EYS: variants seen among roughly 807,000 people sequenced by gnomAD.
EYS encodes protein eyes shut homolog.
In EYS, 250 loss-of-function variants were observed where a neutral mutation model predicts 282.1. The ratio of observed to expected loss-of-function variants is 0.89; its 90% confidence interval spans 0.80 to 0.98. The LOEUF (loss-of-function observed/expected upper bound fraction) is 0.98, where lower values mean the gene tolerates loss of function less well. Among genes scored for constraint, EYS ranks in the 50% least tolerant of loss-of-function variants. The pLI is 0.00. For synonymous variants in EYS, 1,355 were observed against 1,282.9 expected (o/e 1.06, Z -1.20); for missense variants, 4,016 against 3,709.0 (o/e 1.08, Z -2.15).
intron 41 of EYS, among the ~76,000 whole-genome samples, chr6:63,757,460 ACTTTGCC>A (rs1212602748): frequency 6.6e-6 from 1 of 151,896 alleles, no homozygotes; most frequent in Non-Finnish European, 1.5e-5. Flanking sequence ...GGAGTTTTTG[ACTTTGCC>A]CTTTGCCTTG....
intron 26 of EYS, among the ~76,000 whole-genome samples, chr6:64,483,182 A>G (rs905269681): frequency 6.6e-6 from 1 of 151,656 alleles, no homozygotes; most frequent in African/African-American, 2.4e-5. Context: ...GTGAAAAGCC[A>G]TGGACAATAT....
chr6:65,166,221 A>G (rs1484915876), intron 12 of EYS, among the ~76,000 whole-genome samples: 1 of 151,126 alleles, frequency 6.6e-6, no homozygotes, highest in Non-Finnish European at 1.5e-5. Context: ...TTTTTTAGAC[A>G]TTAACAAGCT....
chr6:65,218,311 AT>A (rs1412587840), intron 12 of EYS, among the ~76,000 whole-genome samples: 2 of 152,264 alleles, frequency 1.3e-5, no homozygotes, highest in Admixed American at 6.5e-5. Context: ...AAATAAGTCA[AT>A]TACAGGAAAA....
At chr6:65,473,069 T>G (rs1280906927) in intron 5 of EYS, among the ~76,000 whole-genome samples, 11 of 151,910 alleles carry the variant, frequency 7.2e-5, no homozygotes, top group Admixed American at 7.2e-4. Context: ...AAATAATGAA[T>G]CCAATGGTGC....
At chr6:64,320,539 T>C (rs942006200) in intron 29 of EYS, among the ~76,000 whole-genome samples, 1 of 151,906 alleles carries the variant, frequency 6.6e-6, no homozygotes, top group African/African-American at 2.4e-5. Context: ...GTTGACTTTT[T>C]GTTATTTCTA....
chr6:64,242,499 T>TAA (rs1460120725), intron 30 of EYS, among the ~76,000 whole-genome samples: 2 of 152,132 alleles, frequency 1.3e-5, no homozygotes, highest in Admixed American at 1.3e-4. Flanking sequence ...TATGTTCATA[T>TAA]TTCCTTTTTG....
At chr6:63,961,768 A>G (rs921509509) in intron 35 of EYS, among the ~76,000 whole-genome samples, 10 of 152,106 alleles carry the variant, frequency 6.6e-5, no homozygotes, top group South Asian at 4.1e-4. Flanking sequence ...TAAAGGTCCT[A>G]CTTCTAAGTA....
chr6:64,076,731 A>G (rs1053034890), intron 32 of EYS, among the ~76,000 whole-genome samples: 6 of 151,938 alleles, frequency 3.9e-5, no homozygotes, highest in South Asian at 2.1e-4. Context: ...TCTTCTTTAT[A>G]ATTTACCCAG....
At chr6:65,381,076 G>A (rs1765592678) in intron 8 of EYS, among the ~76,000 whole-genome samples, 1 of 152,064 alleles carries the variant, frequency 6.6e-6, no homozygotes, top group African/African-American at 2.4e-5. Flanking sequence ...CAAGGATATA[G>A]AACTAGAAAT....
At chr6:65,377,593 T>C (rs996746170) in intron 8 of EYS, among the ~76,000 whole-genome samples, 3 of 151,990 alleles carry the variant, frequency 2.0e-5, no homozygotes, top group African/African-American at 4.8e-5. Flanking sequence ...GGAGCTGTTC[T>C]TTTGAAAAGA....
intron 26 of EYS, among the ~76,000 whole-genome samples, chr6:64,549,288 A>T (rs1764986912): frequency 6.6e-6 from 1 of 152,214 alleles, no homozygotes; most frequent in African/African-American, 2.4e-5. Context: ...ACAAAAACTG[A>T]CATGTTCCTG....
At chr6:64,154,998 G>C (rs116223846) in intron 31 of EYS, among the ~76,000 whole-genome samples, 1,748 of 152,276 alleles carry the variant, frequency 0.011, 34 homozygotes, top group African/African-American at 0.039. Context: ...TATTTCCATA[G>C]TAGGAAATGG....
chr6:63,803,107 T>C (rs1279993817), intron 37 of EYS, among the ~76,000 whole-genome samples: 1 of 152,192 alleles, frequency 6.6e-6, no homozygotes, highest in East Asian at 1.9e-4. Flanking sequence ...AGGGTTTTGG[T>C]GGCAGTATTT....
chr6:64,489,100 C>A (rs1354308638), intron 26 of EYS, among the ~76,000 whole-genome samples: 2 of 150,782 alleles, frequency 1.3e-5, no homozygotes, highest in Non-Finnish European at 3.0e-5. Context: ...CTATGAAGAA[C>A]CCAGCTTTCT....
At chr6:64,975,949 T>C (rs13192019) in intron 14 of EYS, among the ~76,000 whole-genome samples, 2,203 of 152,086 alleles carry the variant, frequency 0.014, 37 homozygotes, top group Admixed American at 0.023. Flanking sequence ...CATTTTATAC[T>C]ATATTTTCAG....
chr6:64,881,371 T>C (rs1400526076), intron 19 of EYS, among the ~76,000 whole-genome samples: 3 of 151,902 alleles, frequency 2.0e-5, no homozygotes, highest in African/African-American at 7.2e-5. Flanking sequence ...CAAGTCTAAA[T>C]GTCTGGAATA....
intron 9 of EYS, among the ~76,000 whole-genome samples, chr6:65,344,683 G>C (rs543722583): frequency 6.6e-6 from 1 of 151,538 alleles, no homozygotes; most frequent in Non-Finnish European, 1.5e-5. Context: ...AACAGGAAAA[G>C]ATGAATAAAA....
At chr6:65,512,308 C>T (rs1003030775) in intron 2 of EYS, among the ~76,000 whole-genome samples, 10 of 151,868 alleles carry the variant, frequency 6.6e-5, no homozygotes, top group African/African-American at 1.2e-4. Context: ...CTAATTAACA[C>T]GGTGAAACCC....
At chr6:63,803,655 G>A (rs1346477110) in intron 37 of EYS, among the ~76,000 whole-genome samples, 1 of 152,162 alleles carries the variant, frequency 6.6e-6, no homozygotes, top group East Asian at 1.9e-4. Flanking sequence ...GTGAAGCTCT[G>A]TTGTGGACTT....
Sources: gnomAD v4.1 joint callset for allele counts (sites outside exome capture counted in the v4.1 genomes callset) on GRCh38, gnomAD v4.1.1 for gene constraint, MANE v1.5 for transcripts, NCBI Gene and HGNC (gene_info 2026-07-23, HGNC 2026-07-21) for gene names.